The following DOCK10 variants were observed in gnomAD, a reference collection of about 807,000 sequenced individuals.
The protein encoded by DOCK10 is dedicator of cytokinesis 10.
DOCK10 carries 145 observed loss-of-function variants against 280.1 expected under a neutral mutation model. The ratio of observed to expected loss-of-function variants is 0.52; its 90% confidence interval spans 0.45 to 0.59. The LOEUF (loss-of-function observed/expected upper bound fraction) is 0.59. Among genes scored for constraint, DOCK10 ranks in the 20% least tolerant of loss-of-function variants. The pLI, the probability that DOCK10 is intolerant of heterozygous loss-of-function variation, is 0.00. For missense variants in DOCK10, 2,368 were observed against 2,651.7 expected (o/e 0.89, Z 2.35); for synonymous variants, 915 against 942.2 (o/e 0.97, Z 0.53).
At chr2:224,948,408 C>T (rs1703546108) in intron 1 of DOCK10, among the ~76,000 whole-genome samples, 1 of 152,206 alleles carries the variant, frequency 6.6e-6, no homozygotes, top group African/African-American at 2.4e-5. Flanking sequence ...CCATTGATCC[C>T]TGGTCATTTG....
intron 1 of DOCK10, among the ~76,000 whole-genome samples, chr2:224,981,016 T>C (rs1034850827): frequency 1.2e-4 from 19 of 152,128 alleles, no homozygotes; most frequent in African/African-American, 4.3e-4. Context: ...GACTTACTGG[T>C]ATAGCATGAG....
At position 224,944,527 on chromosome 2, in the gene DOCK10, C is replaced by T. The variant is rs151080958; in HGVS notation, c.124-12859G>A. On this transcript the variant is annotated intron_variant, in intron 1 of 55. Transcript: ENST00000258390. ...ACTGAATTCTAATAAGCAATCTTAA[C>T]GCAGGATAGGTATTATTATAAGCAT... 1.8e-3 allele frequency among the ~76,000 whole-genome samples: 281 copies of T among 152,230 alleles called. 2 individuals are homozygous for T. Among genetic ancestry groups the T allele is most frequent in the Non-Finnish European group, 3.2e-3 (218 of 68,016 alleles).
intron 11 of DOCK10, among the ~76,000 whole-genome samples, chr2:224,865,966 C>T (rs1348926187): frequency 1.3e-5 from 2 of 151,978 alleles, no homozygotes; most frequent in African/African-American, 2.4e-5. Flanking sequence ...GAGCAAGTTT[C>T]CCATATTATT....
chr2:224,800,087 T>G (rs1265480606), intron 41 of DOCK10, 64 bp downstream of exon 41: 3 of 958,628 alleles, frequency 3.1e-6, no homozygotes, highest in Non-Finnish European at 4.8e-6. Flanking sequence ...TGTTTTTGAC[T>G]TCACATGGTT....
intron 55 of DOCK10, among the ~76,000 whole-genome samples, chr2:224,767,061 C>T (rs1393533857): frequency 5.3e-5 from 8 of 152,262 alleles, no homozygotes; most frequent in Admixed American, 1.3e-4. Flanking sequence ...AGCAGAAGGA[C>T]GAACATAACT....
intron 47 of DOCK10, 76 bp from the exon 48 acceptor site, chr2:224,789,246 T>C (rs907389414): frequency 1.3e-5 from 11 of 847,732 alleles, no homozygotes; most frequent in Non-Finnish European, 1.9e-5. Flanking sequence ...CCTTTCTTCA[T>C]GATGTTACCA....
At chr2:224,941,196 T>A (rs1017271716) in intron 1 of DOCK10, among the ~76,000 whole-genome samples, 1 of 146,994 alleles carries the variant, frequency 6.8e-6, no homozygotes, top group African/African-American at 2.4e-5. Context: ...ACATTACTGC[T>A]CTTTTTTTTT....
At chr2:225,023,630 G>A (rs751865202) in intron 1 of DOCK10, among the ~76,000 whole-genome samples, 34 of 152,142 alleles carry the variant, frequency 2.2e-4, no homozygotes, top group Non-Finnish European at 4.3e-4. Context: ...TATAGTCTCT[G>A]CACAACAAGC....
In DOCK10 at chr2:224,830,549, T is replaced by C; in HGVS notation, c.3028A>G (p.Lys1010Glu). 2 of 1,490,178 alleles carry C rather than the reference T, an allele frequency of 1.3e-6. No individual in the cohort carries two copies. The highest frequency in any genetic ancestry group is 1.8e-6 in the Non-Finnish European group (2 of 1,105,234). The allele number at this position is 1,490,178 out of a possible 1,614,324, so 92.3% of individuals were successfully genotyped here. Residue 1010 changes from lysine to glutamate, a missense_variant, in exon 27 of 56, where the codon AAA becomes GAA. Physicochemically the swap from Lys to Glu is moderately conservative, Grantham distance 56 (BLOSUM62 1). Coordinates refer to ENST00000258390, the MANE Select transcript of DOCK10 (RefSeq NM_014689.3). The part of the protein sequence containing the change: ...SMAQHLIDTN[K>E]IQLPRPQRFP... ...ATTACTTATGTTCTTACCTGGATTT[T>C]ATTTGTGTCAATCAAGTGCTGTGCC...
chr2:224,894,563 CTG>C (rs1699876505), intron 4 of DOCK10, among the ~76,000 whole-genome samples: 1 of 152,206 alleles, frequency 6.6e-6, no homozygotes, highest in Non-Finnish European at 1.5e-5. Context: ...CCTACAAAAA[CTG>C]TGTCATGAAC....
chr2:224,810,517 G>T (rs1265695639), intron 31 of DOCK10, among the ~76,000 whole-genome samples: 1 of 151,144 alleles, frequency 6.6e-6, no homozygotes, highest in South Asian at 2.1e-4. Flanking sequence ...AAGTTTTAGG[G>T]TACATGTGCA....
chr2:224,872,147 C>T (rs1454885321), intron 11 of DOCK10, among the ~76,000 whole-genome samples: 3 of 152,186 alleles, frequency 2.0e-5, no homozygotes, highest in African/African-American at 4.8e-5. Context: ...ATTGGTGACA[C>T]ATTTCCATTT....
Position 224,806,211 on chromosome 2 carries a change from A to G in DOCK10, c.3729T>C (p.Asn1243=), listed in dbSNP as rs1054063708. 6.2e-7 allele frequency: 1 copy of G among 1,608,864 alleles called. No homozygotes were observed. The highest frequency in any genetic ancestry group is 8.5e-7 in the Non-Finnish European group (1 of 1,176,458). ...NQGSRDDLST[N]GGFQSQTAIK... is the part of the protein sequence containing the mutation. ...TAGCTGTCTGGCTTTGAAATCCTCCATTGGTGCTTAGATCATCTCTAGACC... is the reference window on the plus strand; with the variant it reads ...TAGCTGTCTGGCTTTGAAATCCTCCGTTGGTGCTTAGATCATCTCTAGACC... The change falls in exon 34 of 56, where the codon AAT becomes AAC. Residue 1243 remains asparagine (N), a synonymous_variant. Transcript: ENST00000258390.
At chr2:225,026,430 T>C (rs1394391374) in intron 1 of DOCK10, among the ~76,000 whole-genome samples, 1 of 152,128 alleles carries the variant, frequency 6.6e-6, no homozygotes, top group East Asian at 1.9e-4. Flanking sequence ...TGCAAAACAC[T>C]GTCTGGGGAA....
At chr2:224,843,955 G>A (rs1477501785) in intron 22 of DOCK10, among the ~76,000 whole-genome samples, 2 of 152,160 alleles carry the variant, frequency 1.3e-5, no homozygotes, top group African/African-American at 4.8e-5. Context: ...TCTTGATGAG[G>A]AAATAAGGAT....
intron 26 of DOCK10, among the ~76,000 whole-genome samples, chr2:224,831,387 G>A (rs79097749): frequency 3.3e-5 from 5 of 152,330 alleles, no homozygotes; most frequent in East Asian, 1.9e-4. Context: ...CCTACCTCGA[G>A]AAACAAAACT....
chr2:224,969,673 T>C (rs1329163448), intron 1 of DOCK10, among the ~76,000 whole-genome samples: 2 of 152,194 alleles, frequency 1.3e-5, no homozygotes, highest in Admixed American at 6.5e-5. Flanking sequence ...ATGCATGTAA[T>C]CTTTAACTTG....
At chr2:224,854,044 A>G (rs1381526801) in intron 16 of DOCK10, among the ~76,000 whole-genome samples, 1 of 152,186 alleles carries the variant, frequency 6.6e-6, no homozygotes, top group Non-Finnish European at 1.5e-5. Context: ...TTTTCACACC[A>G]ATCAATATAA....
chr2:225,006,031 T>C (rs566247149), intron 1 of DOCK10, among the ~76,000 whole-genome samples: 1 of 152,162 alleles, frequency 6.6e-6, no homozygotes. Flanking sequence ...GTGGAAAGAG[T>C]GAAGATGGGT....
Sources: gnomAD v4.1 joint callset for allele counts (sites outside exome capture counted in the v4.1 genomes callset) on GRCh38, gnomAD v4.1.1 for gene constraint, MANE v1.5 for transcripts, NCBI Gene and HGNC (gene_info 2026-07-23, HGNC 2026-07-21) for gene names.